GRIA2: variants seen among roughly 807,000 people sequenced by gnomAD.
GRIA2 encodes the protein glutamate ionotropic receptor AMPA type subunit 2, also known as glutamate receptor 2.
GRIA2 carries 14 observed loss-of-function variants against 97.3 expected under a neutral mutation model. That is an observed-to-expected ratio of 0.14 (90% CI 0.10 to 0.23). The LOEUF (loss-of-function observed/expected upper bound fraction) is 0.23. Among genes scored for constraint, GRIA2 ranks in the 10% least tolerant of loss-of-function variants. The pLI, the probability that GRIA2 is intolerant of heterozygous loss-of-function variation, is 1.00. For missense variants in GRIA2, 558 were observed against 1,069.8 expected (o/e 0.52, Z 6.67); for synonymous variants, 412 against 387.8 (o/e 1.06, Z -0.73).
At chr4:157,353,113 G>A (rs1579386405) in intron 12 of GRIA2, among the ~76,000 whole-genome samples, 1 of 152,092 alleles carries the variant, frequency 6.6e-6, no homozygotes, top group Non-Finnish European at 1.5e-5. Flanking sequence ...AGCACTTTGG[G>A]AGGCCGAGGT....
intron 2 of GRIA2, among the ~76,000 whole-genome samples, chr4:157,280,424 T>C (rs763609549): frequency 6.6e-6 from 1 of 152,154 alleles, no homozygotes; most frequent in Non-Finnish European, 1.5e-5. Context: ...GTAATAGTGA[T>C]AGGAAAAAGG....
At chr4:157,338,027 TATATATATATATATATATATATACAC>T (rs1735376184) in intron 11 of GRIA2, among the ~76,000 whole-genome samples, 1 of 11,910 alleles carries the variant, frequency 8.4e-5, no homozygotes, top group East Asian at 4.7e-3. Flanking sequence ...TATATATATA[TATATATATATATATATATATATACAC>T]ACACATTTTT....
chr4:157,222,389 A>G (rs745614223), intron 2 of GRIA2, among the ~76,000 whole-genome samples: 11 of 151,406 alleles, frequency 7.3e-5, no homozygotes, highest in Non-Finnish European at 1.5e-4. Context: ...ATGGTTCCGG[A>G]GTTGGGATCG....
intron 2 of GRIA2, among the ~76,000 whole-genome samples, chr4:157,276,160 C>T (rs902833890): frequency 6.6e-6 from 1 of 152,050 alleles, no homozygotes; most frequent in Non-Finnish European, 1.5e-5. Flanking sequence ...ATTTGGCTCT[C>T]TGTTTGTCTG....
At chr4:157,221,526 G>T in intron 1 of GRIA2, 141 bp from the exon 2 acceptor site, 1 of 842,436 alleles carries the variant, frequency 1.2e-6, no homozygotes, top group Non-Finnish European at 1.9e-6. Context: ...TTCCACCCCC[G>T]CTGTCCGAGT....
chr4:157,261,852 G>T (rs1731550605), intron 2 of GRIA2, among the ~76,000 whole-genome samples: 1 of 151,842 alleles, frequency 6.6e-6, no homozygotes, highest in Non-Finnish European at 1.5e-5. Flanking sequence ...TACTCTTCCT[G>T]CCAGCTTCCT....
At chr4:157,267,624 T>A (rs1341369866) in intron 2 of GRIA2, among the ~76,000 whole-genome samples, 1 of 152,046 alleles carries the variant, frequency 6.6e-6, no homozygotes, top group Non-Finnish European at 1.5e-5. Flanking sequence ...TGTGAGTGGT[T>A]AGTTTATTGT....
chr4:157,355,767 A>G, intron 12 of GRIA2, among the ~76,000 whole-genome samples: 1 of 32,036 alleles, frequency 3.1e-5, no homozygotes, highest in Middle Eastern at 0.021. Context: ...TATTAGTTAT[A>G]TATATTTATA....
chr4:157,247,172 C>T (rs1380318212), intron 2 of GRIA2, among the ~76,000 whole-genome samples: 1 of 152,124 alleles, frequency 6.6e-6, no homozygotes, highest in Non-Finnish European at 1.5e-5. Context: ...CAGTGTATTC[C>T]CTGTGCCTGG....
chr4:157,355,081 G>C (rs1308749477), intron 12 of GRIA2, among the ~76,000 whole-genome samples: 1 of 152,150 alleles, frequency 6.6e-6, no homozygotes, highest in Non-Finnish European at 1.5e-5. Flanking sequence ...GCTAGAGCTT[G>C]AGTGAGGGGC....
At chr4:157,261,070 C>T (rs966342048) in intron 2 of GRIA2, among the ~76,000 whole-genome samples, 19 of 152,106 alleles carry the variant, frequency 1.2e-4, no homozygotes, top group African/African-American at 4.6e-4. Context: ...TAAAGGCATG[C>T]CTGAGACTGG....
chr4:157,361,523 A>G lies in GRIA2; in HGVS notation c.2406+399A>G. ...TAACATTGATAATGTTATTTATGTT[A>G]TTTTCCACGTGAAGAACCCCAGTAA... On this transcript the variant is annotated intron_variant, in intron 14 of 15. Transcript: ENST00000264426. The surrounding 1 kb of genome is among the most constrained non-coding windows in gnomAD (Gnocchi z 5.2). 1 of 1,471,040 alleles carries G rather than the reference A, an allele frequency of 6.8e-7. No individual in the cohort carries two copies. The highest frequency in any genetic ancestry group is 9.5e-7 in the Non-Finnish European group (1 of 1,050,158). 91.1% of individuals were successfully genotyped at this position (1,471,040 alleles called of 1,614,324 possible). A position where few individuals can be genotyped will look rare whatever the true frequency, so the allele number is the denominator to read the frequency against.
At chr4:157,231,747 A>G (rs899593328) in intron 2 of GRIA2, among the ~76,000 whole-genome samples, 1 of 152,166 alleles carries the variant, frequency 6.6e-6, no homozygotes, top group Non-Finnish European at 1.5e-5. Context: ...TCTTAGTAGA[A>G]CAGAGAAAAG....
chr4:157,258,422 G>A (rs62331526), intron 2 of GRIA2, among the ~76,000 whole-genome samples: 11,168 of 152,048 alleles, frequency 0.073, 530 homozygotes, highest in Non-Finnish European at 0.1. Context: ...CTCCTGTAGC[G>A]CTCCCAGGCC....
At chr4:157,303,920 A>G in intron 3 of GRIA2, 129 bp downstream of exon 3, 2 of 861,626 alleles carry the variant, frequency 2.3e-6, no homozygotes, top group Non-Finnish European at 3.7e-6. Context: ...TTTTGCTGTG[A>G]TAATGACTAA....
chr4:157,324,434 A>G (rs945267931), intron 6 of GRIA2, among the ~76,000 whole-genome samples: 11 of 152,218 alleles, frequency 7.2e-5, no homozygotes, highest in African/African-American at 2.4e-4. Context: ...CAGCAAATAT[A>G]ATAGACTGAT....
At chr4:157,274,990 T>G (rs1433026784) in intron 2 of GRIA2, among the ~76,000 whole-genome samples, 1 of 151,268 alleles carries the variant, frequency 6.6e-6, no homozygotes, top group Non-Finnish European at 1.5e-5. Context: ...ACCAACAGTG[T>G]AAAAGTGTTC....
At chr4:157,358,907 AC>A (rs766230278) in intron 12 of GRIA2, among the ~76,000 whole-genome samples, 33 of 151,694 alleles carry the variant, frequency 2.2e-4, no homozygotes, top group East Asian at 1.9e-3. Flanking sequence ...AAACAAACAA[AC>A]CCCCCCCAAA....
chr4:157,222,750 C>T (rs2126672096), intron 2 of GRIA2, among the ~76,000 whole-genome samples: 1 of 152,324 alleles, frequency 6.6e-6, no homozygotes, highest in South Asian at 2.1e-4. Flanking sequence ...TCACTCCGCG[C>T]AGTGCTCCGG....
Sources: allele counts gnomAD v4.1 joint callset (sites outside exome capture counted in the v4.1 genomes callset), GRCh38; gene constraint gnomAD v4.1.1; non-coding constraint Gnocchi (gnomAD v3.1); transcripts MANE v1.5; gene names NCBI Gene and HGNC (gene_info 2026-07-23, HGNC 2026-07-21).